The following COL5A2 variants were observed in gnomAD, a reference collection of about 807,000 sequenced individuals.
The protein encoded by COL5A2 is collagen type V alpha 2 chain.
In COL5A2, 23 loss-of-function variants were observed where a neutral mutation model predicts 208.2. The observed-to-expected ratio is 0.11, with a 90% CI of 0.08 to 0.16. The LOEUF is 0.16. Ranked by LOEUF, COL5A2 falls within the 10% of genes least tolerant of loss-of-function variation. The pLI is 1.00. For missense variants in COL5A2, 1,590 were observed against 1,956.4 expected (o/e 0.81, Z 3.53); for synonymous variants, 625 against 628.5 (o/e 0.99, Z 0.08).
chr2:189,046,973 T>C (rs193145532), intron 45 of COL5A2, among the ~76,000 whole-genome samples: 1 of 151,996 alleles, frequency 6.6e-6, no homozygotes, highest in East Asian at 1.9e-4. Context: ...AATACAAAAA[T>C]TAGCTGGGTG....
the COL5A2 span, among the ~76,000 whole-genome samples, chr2:189,378,803 A>C: frequency 1.3e-5 from 2 of 152,060 alleles, no homozygotes; most frequent in Non-Finnish European, 2.9e-5. Context: ...TCCAGATTTT[A>C]AAAGAAAATT....
At chr2:189,232,542 C>T in the COL5A2 span, among the ~76,000 whole-genome samples, 1 of 151,632 alleles carries the variant, frequency 6.6e-6, no homozygotes, top group African/African-American at 2.4e-5. Flanking sequence ...GAGTGAGTTT[C>T]AGGGAAAAGG....
the COL5A2 span, among the ~76,000 whole-genome samples, chr2:189,370,143 T>C: frequency 6.6e-6 from 1 of 152,142 alleles, no homozygotes; most frequent in Non-Finnish European, 1.5e-5. Flanking sequence ...CTACCTCTAA[T>C]TGTACTTTTT....
chr2:189,311,795 G>T, the COL5A2 span: 1 of 922,590 alleles, frequency 1.1e-6, no homozygotes, highest in Non-Finnish European at 1.8e-6. Flanking sequence ...CATTGGACCT[G>T]GATGTCTGAA....
chr2:189,209,415 T>C (rs1449789906), intron 1 of COL5A2, among the ~76,000 whole-genome samples: 3 of 152,220 alleles, frequency 2.0e-5, no homozygotes, highest in Admixed American at 6.5e-5. Flanking sequence ...CTAATATTTC[T>C]GTAGCACTTA....
rs55963648 is a variant in COL5A2, at chr2:189,083,925, G to T, written c.852+59C>A. 172,872 of 1,240,348 alleles carry T rather than the reference G, an allele frequency of 0.14. 12,548 individuals are homozygous for T. The highest frequency in any genetic ancestry group is 0.24 in the Middle Eastern group (1,269 of 5,318). 76.8% of individuals were successfully genotyped at this position (1,240,348 alleles called of 1,614,324 possible). ...GATACATGTGCATACAGAGAATTGT[G>T]ATTTAATTCAATGTTCTTTATTTTT... On this transcript the variant is annotated intron_variant, in intron 12 of 53. Transcript: ENST00000374866.
chr2:189,105,827 G>A (rs1005598025), intron 2 of COL5A2, among the ~76,000 whole-genome samples: 1 of 151,258 alleles, frequency 6.6e-6, no homozygotes, highest in African/African-American at 2.4e-5. Context: ...ATTTGTGCTA[G>A]TGTAGAATAT....
intron 1 of COL5A2, among the ~76,000 whole-genome samples, chr2:189,169,837 A>G (rs1045247516): frequency 3.3e-5 from 5 of 152,176 alleles, no homozygotes; most frequent in African/African-American, 1.2e-4. Context: ...CAGCTTCCCG[A>G]GTAGCTGGGA....
intron 50 of COL5A2, among the ~76,000 whole-genome samples, chr2:189,040,213 G>T (rs973334228): frequency 6.6e-6 from 1 of 152,112 alleles, no homozygotes; most frequent in South Asian, 2.1e-4. Flanking sequence ...GATTCAAACT[G>T]CTGGGCTCAA....
At chr2:189,316,472 G>A in the COL5A2 span, among the ~76,000 whole-genome samples, 1 of 152,046 alleles carries the variant, frequency 6.6e-6, no homozygotes, top group South Asian at 2.1e-4. Context: ...GTTTACCTGT[G>A]TAACAAATCT....
rs114846013 is a variant in COL5A2, at chr2:189,159,466, G to T, written c.97+20042C>A. Reference sequence around the variant, plus strand: ...AAATCAGCAGTGTATCTAAAGCTAAGGCAGAAAATCTAACAATTAGGATTG... The same window carrying T: ...AAATCAGCAGTGTATCTAAAGCTAATGCAGAAAATCTAACAATTAGGATTG... On this transcript the variant is annotated intron_variant, in intron 1 of 53. Transcript: ENST00000374866. 7.5e-3 allele frequency among the ~76,000 whole-genome samples: 1,138 copies of T among 152,228 alleles called. 20 individuals are homozygous for T. Among genetic ancestry groups the T allele is most frequent in the African/African-American group, 0.026 (1,065 of 41,538 alleles).
At chr2:189,111,071 T>C (rs1440006621) in intron 1 of COL5A2, among the ~76,000 whole-genome samples, 1 of 152,212 alleles carries the variant, frequency 6.6e-6, no homozygotes, top group Non-Finnish European at 1.5e-5. Context: ...GTGGCAGAAA[T>C]GCAAAACTTA....
intron 1 of COL5A2, among the ~76,000 whole-genome samples, chr2:189,149,155 T>C (rs1688097507): frequency 6.6e-6 from 1 of 152,092 alleles, no homozygotes; most frequent in African/African-American, 2.4e-5. Flanking sequence ...ATAAAAGTTT[T>C]GAAAAATGAA....
At chr2:189,102,771 G>A (rs561844349) in intron 3 of COL5A2, among the ~76,000 whole-genome samples, 35 of 152,108 alleles carry the variant, frequency 2.3e-4, no homozygotes, top group African/African-American at 7.2e-4. Context: ...TGAATCAATC[G>A]GTCAATGAGT....
At chr2:189,363,164 T>A in the COL5A2 span, among the ~76,000 whole-genome samples, 1 of 152,102 alleles carries the variant, frequency 6.6e-6, no homozygotes, top group Non-Finnish European at 1.5e-5. Flanking sequence ...TTTAAAAAAA[T>A]TTCTTTCTGC....
chr2:189,134,155 C>T (rs1005268097), intron 1 of COL5A2, among the ~76,000 whole-genome samples: 4 of 152,142 alleles, frequency 2.6e-5, no homozygotes, highest in African/African-American at 7.2e-5. Context: ...GTATTAAAGC[C>T]AGTCATGCAG....
chr2:189,036,162 CTTACT>C (rs1213620048), intron 52 of COL5A2, among the ~76,000 whole-genome samples: 3 of 152,026 alleles, frequency 2.0e-5, no homozygotes, highest in Non-Finnish European at 4.4e-5. Flanking sequence ...TATTATCACC[CTTACT>C]TTAAACTGGC....
chr2:189,370,544 A>G, the COL5A2 span, among the ~76,000 whole-genome samples: 1 of 152,180 alleles, frequency 6.6e-6, no homozygotes, highest in African/African-American at 2.4e-5. Context: ...AATAAAACAC[A>G]CACACACAAT....
intron 1 of COL5A2, among the ~76,000 whole-genome samples, chr2:189,212,701 A>C (rs1049375542): frequency 3.3e-5 from 5 of 151,700 alleles, no homozygotes; most frequent in South Asian, 4.2e-4. Context: ...CTGAGATGAC[A>C]CTGATAGGAG....
Sources: gnomAD v4.1 joint callset for allele counts (sites outside exome capture counted in the v4.1 genomes callset) on GRCh38, gnomAD v4.1.1 for gene constraint, MANE v1.5 for transcripts, NCBI Gene and HGNC (gene_info 2026-07-23, HGNC 2026-07-21) for gene names.